The following PLPP4 variants were observed in gnomAD, a reference collection of about 807,000 sequenced individuals.
PLPP4 encodes phospholipid phosphatase 4.
Under a neutral mutation model 32.2 loss-of-function variants are expected in PLPP4, and 20 were observed. The observed-to-expected ratio is 0.62, with a 90% CI of 0.44 to 0.90. The LOEUF is 0.90. Among genes scored for constraint, PLPP4 ranks in the 40% least tolerant of loss-of-function variants. The pLI is 0.00. For synonymous variants in PLPP4, 127 were observed against 133.0 expected (o/e 0.95, Z 0.31); for missense variants, 257 against 353.1 (o/e 0.73, Z 2.18).
intron 1 of PLPP4, among the ~76,000 whole-genome samples, chr10:120,481,349 C>T (rs1844196959): frequency 1.3e-5 from 2 of 152,160 alleles, no homozygotes; most frequent in African/African-American, 4.8e-5. Flanking sequence ...GGCTTCAGGG[C>T]AGCCCAGGGG....
At chr10:120,475,902 C>T (rs930782049) in intron 1 of PLPP4, among the ~76,000 whole-genome samples, 3 of 56,016 alleles carry the variant, frequency 5.4e-5, no homozygotes, top group East Asian at 1.4e-3. Flanking sequence ...ATGATGTGGG[C>T]GGGGGGCACC....
chr10:120,559,896 A>G lies in PLPP4; in HGVS notation c.446-15235A>G, dbSNP rs562621573. Among the ~76,000 whole-genome samples, 11 of 152,346 alleles carry G rather than the reference A, an allele frequency of 7.2e-5. No homozygotes were observed. In the South Asian group the frequency reaches 2.1e-3, roughly 29 times the overall value. On this transcript the variant is annotated intron_variant, in intron 5 of 6. Transcript: ENST00000398250. ...TCGCAGTCAATAAACTTGAAGCTGC[A>G]GTATTAAATCACAGCTGCGTAAGAT...
chr10:120,536,667 C>T (rs1476921871), intron 5 of PLPP4, among the ~76,000 whole-genome samples: 1 of 21,750 alleles, frequency 4.6e-5, no homozygotes, highest in Non-Finnish European at 1.0e-4. Flanking sequence ...ACCTAAAGCA[C>T]AGGCAAAAAA....
chr10:120,569,326 T>G (rs748139449), intron 5 of PLPP4, among the ~76,000 whole-genome samples: 1 of 152,126 alleles, frequency 6.6e-6, no homozygotes, highest in African/African-American at 2.4e-5. Context: ...CTCCAGCCAG[T>G]TGACAAAAGG....
chr10:120,476,797 G>A (rs998123385), intron 1 of PLPP4, among the ~76,000 whole-genome samples: 3 of 152,154 alleles, frequency 2.0e-5, no homozygotes, highest in African/African-American at 7.2e-5. Flanking sequence ...GGTTCTCAGG[G>A]CACAAATGCT....
chr10:120,561,888 G>C (rs1404036851), intron 5 of PLPP4, among the ~76,000 whole-genome samples: 1 of 152,178 alleles, frequency 6.6e-6, no homozygotes, highest in Non-Finnish European at 1.5e-5. Context: ...TGTAATCCTT[G>C]CATAACTGGA....
chr10:120,537,380 T>C (rs563188531), intron 5 of PLPP4, among the ~76,000 whole-genome samples: 3 of 152,334 alleles, frequency 2.0e-5, no homozygotes, highest in Non-Finnish European at 4.4e-5. Flanking sequence ...GAAATTCTTC[T>C]ATTTGTAACA....
At position 120,518,887 on chromosome 10, in the gene PLPP4, T is replaced by C; in HGVS notation, c.311T>C (p.Ile104Thr). 1 of 1,610,886 alleles carries C rather than the reference T, an allele frequency of 6.2e-7. No homozygotes were observed. The highest frequency in any genetic ancestry group is 1.1e-5 in the South Asian group (1 of 90,154). ...GTCTGCACAAACACTATTAAATTAA[T>C]AGTGGGAAGGTAAGTTCCAAGAAGA... ...NGVCTNTIKL[I>T]VGRPRPDFFY... The change falls in exon 4 of 7, where the codon ATA becomes ACA. Residue 104 changes from isoleucine (I) to threonine (T), a missense_variant. Transcript: ENST00000398250.
At chr10:120,485,666 T>A (rs1419391364) in intron 1 of PLPP4, among the ~76,000 whole-genome samples, 1 of 152,216 alleles carries the variant, frequency 6.6e-6, no homozygotes, top group African/African-American at 2.4e-5. Flanking sequence ...AGGACCATTA[T>A]TGATTCATTC....
intron 1 of PLPP4, among the ~76,000 whole-genome samples, chr10:120,480,980 G>A (rs1233331468): frequency 2.0e-5 from 3 of 152,224 alleles, no homozygotes; most frequent in Non-Finnish European, 4.4e-5. Context: ...ACCAAACCAT[G>A]TGACCAGTGT....
At chr10:120,532,495 G>T (rs1187285125) in intron 5 of PLPP4, among the ~76,000 whole-genome samples, 1 of 152,090 alleles carries the variant, frequency 6.6e-6, no homozygotes, top group Admixed American at 6.5e-5. Flanking sequence ...CATTTAAAAT[G>T]GTTTATGGTA....
chr10:120,521,396 T>A (rs1846149799), intron 5 of PLPP4, among the ~76,000 whole-genome samples: 1 of 152,234 alleles, frequency 6.6e-6, no homozygotes, highest in Non-Finnish European at 1.5e-5. Context: ...CTACGCTCCC[T>A]GGGAGCCTCC....
At chr10:120,564,387 G>A (rs1020642036) in intron 5 of PLPP4, among the ~76,000 whole-genome samples, 1 of 151,786 alleles carries the variant, frequency 6.6e-6, no homozygotes, top group Non-Finnish European at 1.5e-5. Flanking sequence ...TTAGCATAAG[G>A]TCAGTTTTTA....
intron 5 of PLPP4, among the ~76,000 whole-genome samples, chr10:120,566,013 T>C (rs899263995): frequency 1.3e-5 from 2 of 152,206 alleles, no homozygotes; most frequent in Non-Finnish European, 2.9e-5. Flanking sequence ...ATTTTTCATT[T>C]ATAGAAATTC....
At chr10:120,478,742 G>T (rs370771659) in intron 1 of PLPP4, among the ~76,000 whole-genome samples, 8 of 152,212 alleles carry the variant, frequency 5.3e-5, no homozygotes, top group African/African-American at 1.7e-4. Flanking sequence ...ATTCTTTCTT[G>T]ACTTGTTTTT....
intron 1 of PLPP4, among the ~76,000 whole-genome samples, chr10:120,482,224 G>A (rs1844238912): frequency 1.3e-5 from 2 of 152,162 alleles, no homozygotes; most frequent in Admixed American, 6.5e-5. Flanking sequence ...CAGTTTGGAG[G>A]GCTCAGAAGA....
At chr10:120,460,988 C>T (rs895383249) in intron 1 of PLPP4, among the ~76,000 whole-genome samples, 5 of 152,210 alleles carry the variant, frequency 3.3e-5, no homozygotes, top group African/African-American at 4.8e-5. Context: ...CAGCCCCAGG[C>T]TTCCAGACTG....
chr10:120,503,825 G>C lies in PLPP4; in HGVS notation c.64G>C (p.Glu22Gln), dbSNP rs756921534. ...ALLFGVFVFT[E>Q]FLDPFQRVIQ... ...TTTCTTTTTATGTTTCAGTTTTACA[G>C]AGTTTTTGGATCCGTTCCAGAGAGT... Residue 22 changes from glutamate (E) to glutamine (Q), a missense_variant, in exon 2 of 7, where the codon GAG becomes CAG. Coordinates refer to ENST00000398250, the MANE Select transcript of PLPP4 (RefSeq NM_001030059.3). 6.2e-7 allele frequency: 1 copy of C among 1,612,990 alleles called. No homozygotes were observed. Among genetic ancestry groups the C allele is most frequent in the Non-Finnish European group, 8.5e-7 (1 of 1,179,280 alleles).
At chr10:120,462,142 A>G (rs915481020) in intron 1 of PLPP4, among the ~76,000 whole-genome samples, 1 of 146,484 alleles carries the variant, frequency 6.8e-6, no homozygotes, top group Non-Finnish European at 1.5e-5. Flanking sequence ...GCCCAAGGAC[A>G]TTCCTGCAGG....
Sources: allele counts gnomAD v4.1 joint callset (sites outside exome capture counted in the v4.1 genomes callset), GRCh38; gene constraint gnomAD v4.1.1; transcripts MANE v1.5; gene names NCBI Gene and HGNC (gene_info 2026-07-23, HGNC 2026-07-21).